The following ATP8B4 variants were observed in gnomAD, a reference collection of about 807,000 sequenced individuals.
The protein encoded by ATP8B4 is ATPase phospholipid transporting 8B4 (putative), also known as probable phospholipid-transporting ATPase IM.
ATP8B4 carries 133 observed loss-of-function variants against 145.6 expected under a neutral mutation model. The observed-to-expected ratio is 0.91, with a 90% confidence interval of 0.79 to 1.05. The LOEUF (loss-of-function observed/expected upper bound fraction) is 1.05. Among genes scored for constraint, ATP8B4 ranks in the 50% least tolerant of loss-of-function variants. The pLI, the probability that ATP8B4 is intolerant of heterozygous loss-of-function variation, is 0.00. For synonymous variants in ATP8B4, 507 were observed against 492.9 expected, an observed-to-expected ratio of 1.03 and a Z score of -0.38; for missense variants, 1,458 against 1,425.2, an observed-to-expected ratio of 1.02 and a Z score of -0.37.
intron 2 of ATP8B4, among the ~76,000 whole-genome samples, chr15:50,084,330 A>C (rs775023497): frequency 2.6e-5 from 4 of 152,184 alleles, no homozygotes; most frequent in Non-Finnish European, 4.4e-5. Context: ...CATTCAGGTA[A>C]TAAGGCTTTA....
intron 20 of ATP8B4, among the ~76,000 whole-genome samples, chr15:49,912,466 T>C (rs1192466300): frequency 6.6e-6 from 1 of 152,078 alleles, no homozygotes; most frequent in Non-Finnish European, 1.5e-5. Flanking sequence ...TAAGATTGAA[T>C]CAGGAAGAAA....
intron 25 of ATP8B4, among the ~76,000 whole-genome samples, chr15:49,870,225 G>C (rs1451379313): frequency 6.6e-6 from 1 of 152,104 alleles, no homozygotes; most frequent in Non-Finnish European, 1.5e-5. Flanking sequence ...AGAATATCTA[G>C]TTAAGCAAGA....
intron 2 of ATP8B4, among the ~76,000 whole-genome samples, chr15:50,099,951 C>A (rs2056239943): frequency 6.9e-6 from 1 of 145,480 alleles, no homozygotes; most frequent in African/African-American, 2.6e-5. Flanking sequence ...AGGAGAATTG[C>A]TTGAATCTGG....
At chr15:49,962,119 T>A in intron 13 of ATP8B4, 99 bp from the exon 14 acceptor site, 1 of 853,262 alleles carries the variant, frequency 1.2e-6, no homozygotes, top group Non-Finnish European at 1.8e-6. Context: ...TACATCACCA[T>A]TACTAAATGG....
At chr15:50,019,505 AAAT>A (rs1040968825) in intron 6 of ATP8B4, among the ~76,000 whole-genome samples, 1 of 152,236 alleles carries the variant, frequency 6.6e-6, no homozygotes, top group African/African-American at 2.4e-5. Context: ...GTAAACTGTA[AAAT>A]AATATATACA....
chr15:49,863,610 G>A (rs2032252265), intron 26 of ATP8B4, among the ~76,000 whole-genome samples: 1 of 152,168 alleles, frequency 6.6e-6, no homozygotes, highest in African/African-American at 2.4e-5. Context: ...TGAATGGTAT[G>A]TCTGCTTTTT....
chr15:49,989,826 C>T (rs529070553), intron 9 of ATP8B4, among the ~76,000 whole-genome samples: 4 of 152,136 alleles, frequency 2.6e-5, no homozygotes, highest in African/African-American at 7.2e-5. Context: ...ACACACACTT[C>T]CCAATTTCTT....
chr15:50,153,607 G>A (rs1290236673), intron 1 of ATP8B4, among the ~76,000 whole-genome samples: 1 of 151,726 alleles, frequency 6.6e-6, no homozygotes, highest in Non-Finnish European at 1.5e-5. Flanking sequence ...AAAGTGCTGG[G>A]ATTACAGGCA....
intron 17 of ATP8B4, among the ~76,000 whole-genome samples, chr15:49,922,978 AAT>A: frequency 6.6e-6 from 1 of 152,306 alleles, no homozygotes; most frequent in South Asian, 2.1e-4. Flanking sequence ...CCCTAGAGGT[AAT>A]CATAAGATAT....
At chr15:50,108,713 CAG>C (rs1388879166) in intron 1 of ATP8B4, among the ~76,000 whole-genome samples, 1 of 152,174 alleles carries the variant, frequency 6.6e-6, no homozygotes, top group Non-Finnish European at 1.5e-5. Flanking sequence ...CTCCCCAAAT[CAG>C]AGATAGGAGG....
chr15:50,018,877 T>C, intron 6 of ATP8B4: 7 of 1,163,042 alleles, frequency 6.0e-6, no homozygotes, highest in Non-Finnish European at 8.0e-6. Context: ...CTTCGACCAT[T>C]ATGTCACTTA....
Position 50,161,834 on chromosome 15 carries a change from T to C in ATP8B4, c.-43+20427A>G, listed in dbSNP as rs371663956. ...TTGTAATATTCTGTGTTTTTCTCTG[T>C]ACCTACTATTATCAGTGAGTTTTGT... is the stretch of plus-strand genomic sequence containing the variant. On this transcript the variant is annotated intron_variant, in intron 1 of 3. Transcript: ENST00000558829. Among the ~76,000 whole-genome samples, 436 of 152,308 alleles carry C rather than the reference T, an allele frequency of 2.9e-3. 1 individual carries two copies. The highest frequency in any genetic ancestry group is 9.9e-3 in the African/African-American group (412 of 41,586).
rs8025116 is a variant in ATP8B4, at chr15:49,876,086, C to T, written c.3027+192G>A. ...TTTCTACTAACATGAATGTTACAGA[C>T]GCCTAATGCTAATTCTCCCCAGTAA... On this transcript the variant is annotated intron_variant, in intron 25 of 27. Coordinates refer to ENST00000284509, the MANE Select transcript of ATP8B4 (RefSeq NM_024837.4). 7.1e-3 allele frequency among the ~76,000 whole-genome samples: 1,074 copies of T among 152,210 alleles called. 15 individuals carry two copies. The highest frequency in any genetic ancestry group is 0.025 in the African/African-American group (1,018 of 41,530).
intron 23 of ATP8B4, chr15:49,880,210 G>A (rs956350818): frequency 3.3e-5 from 5 of 152,226 alleles, no homozygotes; most frequent in Non-Finnish European, 5.9e-5. Flanking sequence ...GATAGGGAAT[G>A]TGGGAGGGCT....
chr15:49,987,610 C>G, intron 9 of ATP8B4, 61 bp from the exon 10 acceptor site: 1 of 1,520,204 alleles, frequency 6.6e-7, no homozygotes, highest in African/African-American at 1.4e-5. Flanking sequence ...TCTTCAGAAG[C>G]CCACAGCACT....
At chr15:49,991,643 T>C (rs2047054658) in intron 9 of ATP8B4, among the ~76,000 whole-genome samples, 1 of 152,186 alleles carries the variant, frequency 6.6e-6, no homozygotes, top group African/African-American at 2.4e-5. Flanking sequence ...AATCATTTTT[T>C]CTGATGTTTG....
intron 2 of ATP8B4, among the ~76,000 whole-genome samples, chr15:50,092,226 G>A (rs749709983): frequency 2.6e-5 from 4 of 151,930 alleles, no homozygotes; most frequent in East Asian, 1.9e-4. Context: ...AAAGTATCTC[G>A]GTCCCTGATT....
intron 1 of ATP8B4, among the ~76,000 whole-genome samples, chr15:50,130,885 T>C (rs1041707645): frequency 6.6e-6 from 1 of 152,236 alleles, no homozygotes; most frequent in Non-Finnish European, 1.5e-5. Flanking sequence ...ATTTTCATAC[T>C]GATATAAAGA....
intron 6 of ATP8B4, among the ~76,000 whole-genome samples, chr15:50,030,693 G>C (rs1277477486): frequency 6.6e-6 from 1 of 152,184 alleles, no homozygotes; most frequent in East Asian, 1.9e-4. Flanking sequence ...AGGGCTCTTT[G>C]AAGGAGCTTT....
Sources: gnomAD v4.1 joint callset for allele counts (sites outside exome capture counted in the v4.1 genomes callset) on GRCh38, gnomAD v4.1.1 for gene constraint, MANE v1.5 for transcripts, NCBI Gene and HGNC (gene_info 2026-07-23, HGNC 2026-07-21) for gene names.